ADAMTS19: variants seen among roughly 807,000 people sequenced by gnomAD.
The protein encoded by ADAMTS19 is A disintegrin and metalloproteinase with thrombospondin motifs 19.
A neutral mutation model predicts 153.3 loss-of-function variants in ADAMTS19; 93 were observed. The ratio of observed to expected loss-of-function variants is 0.61; its 90% CI spans 0.51 to 0.72. ADAMTS19 has a LOEUF of 0.72. Among genes scored for constraint, ADAMTS19 ranks in the 30% least tolerant of loss-of-function variants. The pLI, the probability that ADAMTS19 is intolerant of heterozygous loss-of-function variation, is 0.00. For synonymous variants in ADAMTS19, 600 were observed against 556.6 expected, an observed-to-expected ratio of 1.08 and a Z score of -1.10; for missense variants, 1,482 against 1,552.1, an observed-to-expected ratio of 0.95 and a Z score of 0.76.
intron 8 of ADAMTS19, among the ~76,000 whole-genome samples, chr5:129,608,084 A>ATGTGTG (rs1315224170): frequency 5.4e-5 from 1 of 18,568 alleles, no homozygotes; most frequent in Non-Finnish European, 1.7e-4. Flanking sequence ...TTGGAATTTT[A>ATGTGTG]TATATATGTG....
chr5:129,542,309 A>G (rs534449488), intron 6 of ADAMTS19, among the ~76,000 whole-genome samples: 89 of 152,212 alleles, frequency 5.8e-4, no homozygotes, highest in African/African-American at 1.9e-3. Flanking sequence ...GGATAATCCT[A>G]TGATTGGAAG....
intron 20 of ADAMTS19, among the ~76,000 whole-genome samples, chr5:129,702,937 A>ATATATAT (rs1561658636): frequency 2.9e-4 from 4 of 13,884 alleles, no homozygotes; most frequent in African/African-American, 7.2e-4. Context: ...GCCAAAAAAA[A>ATATATAT]AAAAATATAT....
chr5:129,495,291 A>T (rs1423731943), intron 2 of ADAMTS19, among the ~76,000 whole-genome samples: 1 of 152,112 alleles, frequency 6.6e-6, no homozygotes, highest in East Asian at 1.9e-4. Context: ...TTCATTCCAG[A>T]GACATTTTTC....
intron 21 of ADAMTS19, among the ~76,000 whole-genome samples, chr5:129,721,938 CT>C (rs753303021): frequency 6.6e-5 from 10 of 152,266 alleles, no homozygotes; most frequent in Non-Finnish European, 1.0e-4. Flanking sequence ...GACCTCATCC[CT>C]TTTATGGCTG....
At chr5:129,504,574 C>T (rs557616848) in intron 2 of ADAMTS19, among the ~76,000 whole-genome samples, 8 of 152,144 alleles carry the variant, frequency 5.3e-5, no homozygotes, top group African/African-American at 1.9e-4. Flanking sequence ...TTTTTAATTA[C>T]AGTCACCATG....
chr5:129,680,120 G>A (rs912133717), intron 17 of ADAMTS19, among the ~76,000 whole-genome samples, 199 bp downstream of exon 17: 1 of 152,188 alleles, frequency 6.6e-6, no homozygotes, highest in African/African-American at 2.4e-5. Flanking sequence ...TACAGGAGGA[G>A]CAAGATGTTT....
At chr5:129,549,183 A>AAAATAAAT (rs77046635) in intron 6 of ADAMTS19, among the ~76,000 whole-genome samples, 13 of 148,206 alleles carry the variant, frequency 8.8e-5, no homozygotes, top group South Asian at 2.1e-4. Context: ...TAATAATAAT[A>AAAATAAAT]AAATAAATAA....
intron 2 of ADAMTS19, among the ~76,000 whole-genome samples, chr5:129,480,428 C>T (rs1274732459): frequency 6.6e-6 from 1 of 152,134 alleles, no homozygotes; most frequent in East Asian, 1.9e-4. Flanking sequence ...TTAAAATCAT[C>T]TCTTTTTCAA....
intron 7 of ADAMTS19, among the ~76,000 whole-genome samples, chr5:129,573,501 A>G (rs1233685177): frequency 1.3e-5 from 2 of 152,024 alleles, no homozygotes; most frequent in African/African-American, 4.8e-5. Context: ...ATCTTACTTA[A>G]TGCATGTCTG....
chr5:129,500,390 G>A (rs1751058466), intron 2 of ADAMTS19: 1 of 152,120 alleles, frequency 6.6e-6, no homozygotes, highest in South Asian at 2.1e-4. Flanking sequence ...CATTTGCCAA[G>A]TGCTTTAAAT....
chr5:129,718,354 AT>A (rs1417054672), intron 21 of ADAMTS19, among the ~76,000 whole-genome samples: 4 of 152,172 alleles, frequency 2.6e-5, no homozygotes, highest in Non-Finnish European at 4.4e-5. Flanking sequence ...TCCAAAAAAA[AT>A]AATGAATTAA....
intron 7 of ADAMTS19, among the ~76,000 whole-genome samples, chr5:129,591,340 T>G (rs1389277674): frequency 1.3e-5 from 2 of 151,866 alleles, no homozygotes; most frequent in Non-Finnish European, 2.9e-5. Flanking sequence ...TTGCCCAGGC[T>G]GAAGTGCAGT....
At chr5:129,527,972 CT>C in intron 5 of ADAMTS19, 141 bp downstream of exon 5, 1 of 493,362 alleles carries the variant, frequency 2.0e-6, no homozygotes. Flanking sequence ...TAAAACTGGC[CT>C]TTAGTTTTGG....
chr5:129,631,914 T>A (rs1413026083), intron 10 of ADAMTS19, among the ~76,000 whole-genome samples: 1 of 152,048 alleles, frequency 6.6e-6, no homozygotes, highest in Non-Finnish European at 1.5e-5. Context: ...TTCCCTCTGA[T>A]CCCCATTAAT....
At chr5:129,654,233 A>T (rs1753442481) in intron 13 of ADAMTS19, 73 bp from the exon 14 acceptor site, 1 of 1,415,752 alleles carries the variant, frequency 7.1e-7, no homozygotes, top group Non-Finnish European at 9.5e-7. Context: ...AACGATTCTT[A>T]AAAATGAAGC....
chr5:129,478,546 T>TTTTG (rs1037043796), intron 2 of ADAMTS19, among the ~76,000 whole-genome samples: 2 of 152,136 alleles, frequency 1.3e-5, no homozygotes, highest in Admixed American at 6.5e-5. Context: ...CCCTACCTTT[T>TTTTG]TTTGTTTGTT....
intron 21 of ADAMTS19, among the ~76,000 whole-genome samples, chr5:129,727,266 CAA>C (rs1757245791): frequency 6.6e-6 from 1 of 152,080 alleles, no homozygotes; most frequent in African/African-American, 2.4e-5. Flanking sequence ...TACAGTCTGG[CAA>C]AAATTATTAT....
At chr5:129,725,208 G>A (rs374907272) in intron 21 of ADAMTS19, among the ~76,000 whole-genome samples, 2 of 152,100 alleles carry the variant, frequency 1.3e-5, no homozygotes, top group South Asian at 2.1e-4. Flanking sequence ...ATGAAAGGAC[G>A]GAAAGTAAAC....
At chr5:129,707,396 T>C (rs1403123461) in intron 21 of ADAMTS19, among the ~76,000 whole-genome samples, 2 of 152,182 alleles carry the variant, frequency 1.3e-5, no homozygotes, top group Non-Finnish European at 2.9e-5. Context: ...TATAAGTGCT[T>C]TTTTCCTTAA....
Sources: gnomAD v4.1 joint callset for allele counts (sites outside exome capture counted in the v4.1 genomes callset) on GRCh38, gnomAD v4.1.1 for gene constraint, MANE v1.5 for transcripts, NCBI Gene and HGNC (gene_info 2026-07-23, HGNC 2026-07-21) for gene names.